NKAIN2: variants seen among roughly 807,000 people sequenced by gnomAD.
NKAIN2 encodes the protein sodium/potassium transporting ATPase interacting 2.
In NKAIN2, 14 loss-of-function variants were observed where a neutral mutation model predicts 32.6. The ratio of observed to expected loss-of-function variants is 0.43; its 90% CI spans 0.28 to 0.67. The LOEUF (loss-of-function observed/expected upper bound fraction) is 0.67. Ranked by LOEUF, NKAIN2 falls within the 30% of genes least tolerant of loss-of-function variation. The pLI is 0.17. For missense variants in NKAIN2, 198 were observed against 258.3 expected (o/e 0.77, Z 1.60); for synonymous variants, 80 against 87.2 (o/e 0.92, Z 0.46).
chr6:124,808,881 A>C (rs981564093), intron 5 of NKAIN2, among the ~76,000 whole-genome samples: 3 of 152,198 alleles, frequency 2.0e-5, no homozygotes, highest in Non-Finnish European at 1.5e-5. Context: ...TCCCATTCAC[A>C]ATTGCTTCAA....
intron 1 of NKAIN2, among the ~76,000 whole-genome samples, chr6:124,133,435 C>T (rs1244148444): frequency 6.6e-6 from 1 of 152,082 alleles, no homozygotes. Context: ...CTCAGCACAT[C>T]TAATTGAGAG....
chr6:124,652,898 T>C (rs929224438), intron 3 of NKAIN2, among the ~76,000 whole-genome samples: 3 of 152,170 alleles, frequency 2.0e-5, no homozygotes, highest in Non-Finnish European at 2.9e-5. Context: ...ACTATTGCTT[T>C]GGGGGATGTT....
chr6:124,412,152 C>T lies in NKAIN2; in HGVS notation c.273+56805C>T, dbSNP rs182096569. Among the ~76,000 whole-genome samples, 41 of 151,944 alleles carry T rather than the reference C, an allele frequency of 2.7e-4. 1 individual carries two copies. In the East Asian group the frequency reaches 7.0e-3, roughly 26 times the overall value. On this transcript the variant is annotated intron_variant, in intron 3 of 6. Transcript: ENST00000368417. ...CTTCCTCCTTTAGCTCGGAGTAGTTCGATCTTCTGAAGCCTTCTCTCAACT... is the reference window on the plus strand; with the variant it reads ...CTTCCTCCTTTAGCTCGGAGTAGTTTGATCTTCTGAAGCCTTCTCTCAACT...
chr6:124,393,199 A>G (rs771113977), intron 3 of NKAIN2, among the ~76,000 whole-genome samples: 1 of 152,210 alleles, frequency 6.6e-6, no homozygotes, highest in Non-Finnish European at 1.5e-5. Context: ...AGCAAGAAAG[A>G]AGACTTACAT....
chr6:124,468,452 G>C (rs1431354658), intron 3 of NKAIN2, among the ~76,000 whole-genome samples: 1 of 152,078 alleles, frequency 6.6e-6, no homozygotes, highest in East Asian at 1.9e-4. Flanking sequence ...ATAGGGTTTT[G>C]TTCCACAGGT....
intron 4 of NKAIN2, among the ~76,000 whole-genome samples, chr6:124,749,036 T>C (rs1338586957): frequency 6.6e-6 from 1 of 151,714 alleles, no homozygotes; most frequent in Non-Finnish European, 1.5e-5. Flanking sequence ...TTTCCAGAGG[T>C]TCTAGGAGAA....
intron 3 of NKAIN2, among the ~76,000 whole-genome samples, chr6:124,500,694 A>G (rs564996492): frequency 4.0e-4 from 60 of 151,336 alleles, no homozygotes; most frequent in African/African-American, 1.4e-3. Flanking sequence ...ATAATAAAAT[A>G]AATAAAATAA....
chr6:124,316,386 A>G (rs973798230), intron 2 of NKAIN2, among the ~76,000 whole-genome samples: 2 of 152,120 alleles, frequency 1.3e-5, no homozygotes, highest in Admixed American at 6.6e-5. Flanking sequence ...ACATCAACAC[A>G]TAGACACAGA....
intron 3 of NKAIN2, among the ~76,000 whole-genome samples, chr6:124,481,105 G>T (rs1777428405): frequency 6.6e-6 from 1 of 151,028 alleles, no homozygotes; most frequent in Non-Finnish European, 1.5e-5. Context: ...TGGGGGAAAT[G>T]ATCTTAAAGC....
intron 5 of NKAIN2, among the ~76,000 whole-genome samples, chr6:124,812,191 T>A (rs897499852): frequency 6.6e-6 from 1 of 152,136 alleles, no homozygotes; most frequent in South Asian, 2.1e-4. Flanking sequence ...ATCCAAAAAG[T>A]TTCTTTTGTG....
chr6:124,597,535 T>C (rs1426009591), intron 3 of NKAIN2, among the ~76,000 whole-genome samples: 3 of 152,150 alleles, frequency 2.0e-5, no homozygotes, highest in Non-Finnish European at 4.4e-5. Context: ...GATTTCATTC[T>C]TTTGACACAC....
At chr6:124,421,017 C>T (rs1163055767) in intron 3 of NKAIN2, among the ~76,000 whole-genome samples, 5 of 144,778 alleles carry the variant, frequency 3.5e-5, no homozygotes, top group South Asian at 2.2e-4. Flanking sequence ...AGTTTAGCCA[C>T]GAAGTAGCTT....
chr6:124,682,139 T>A (rs886124151), intron 4 of NKAIN2, among the ~76,000 whole-genome samples: 1 of 152,094 alleles, frequency 6.6e-6, no homozygotes, highest in African/African-American at 2.4e-5. Flanking sequence ...AAAATGTTTT[T>A]TTTTTACAAA....
chr6:124,589,614 G>A (rs1003521398), intron 3 of NKAIN2, among the ~76,000 whole-genome samples: 1 of 152,084 alleles, frequency 6.6e-6, no homozygotes, highest in African/African-American at 2.4e-5. Context: ...TTAAAATGTG[G>A]GCGAGAAGAA....
intron 1 of NKAIN2, among the ~76,000 whole-genome samples, chr6:124,135,718 C>A (rs1177653898): frequency 6.6e-6 from 1 of 151,820 alleles, no homozygotes; most frequent in Non-Finnish European, 1.5e-5. Context: ...TAAATTAACT[C>A]CAAAAGGAAC....
intron 4 of NKAIN2, among the ~76,000 whole-genome samples, chr6:124,765,285 A>G (rs1256457569): frequency 6.6e-6 from 1 of 152,198 alleles, no homozygotes; most frequent in Non-Finnish European, 1.5e-5. Context: ...CTGAAATTCC[A>G]ATGGCTTTAT....
At position 124,707,305 on chromosome 6, in the gene NKAIN2, G is replaced by C. The variant is rs553273572; in HGVS notation, c.474+48919G>C. ...GAATACTGCCGCAATAAACATACGT[G>C]TGCATGTGTCTTTATAGCAGAATGA... On this transcript the variant is annotated intron_variant, in intron 4 of 6. Coordinates refer to ENST00000368417, the MANE Select transcript of NKAIN2 (RefSeq NM_001040214.3). Among the ~76,000 whole-genome samples the C allele has an allele frequency of 3.2e-4, 48 of 152,178 alleles. No individual in the cohort carries two copies. The South Asian group carries it at 1.0e-2, about 32-fold the overall frequency.
intron 1 of NKAIN2, among the ~76,000 whole-genome samples, chr6:124,078,311 G>T (rs1783793113): frequency 2.0e-5 from 3 of 149,958 alleles, no homozygotes; most frequent in East Asian, 1.9e-4. Flanking sequence ...ATCCCTCAAA[G>T]ATTTACTGTG....
chr6:124,664,429 C>G (rs550543670), intron 4 of NKAIN2, among the ~76,000 whole-genome samples: 5 of 151,816 alleles, frequency 3.3e-5, no homozygotes, highest in Non-Finnish European at 7.4e-5. Context: ...AACACAATGC[C>G]TTATGGACAT....
Sources: allele counts gnomAD v4.1 joint callset (sites outside exome capture counted in the v4.1 genomes callset), GRCh38; gene constraint gnomAD v4.1.1; transcripts MANE v1.5; gene names NCBI Gene and HGNC (gene_info 2026-07-23, HGNC 2026-07-21).